Variants in NPHP3 observed in about 807,000 individuals in gnomAD.
NPHP3 encodes the protein nephrocystin 3.
NPHP3 carries 123 observed loss-of-function variants against 171.9 expected under a neutral mutation model. The observed-to-expected ratio is 0.72, with a 90% CI of 0.62 to 0.83. The LOEUF (loss-of-function observed/expected upper bound fraction) is 0.83. NPHP3 is among the 40% of genes least tolerant of loss of function. The pLI is 0.00. For missense variants in NPHP3, 1,506 were observed against 1,591.9 expected, an observed-to-expected ratio of 0.95 and a Z score of 0.92; for synonymous variants, 558 against 579.2, an observed-to-expected ratio of 0.96 and a Z score of 0.52.
rs1350229881 is a variant in NPHP3 at position 132,681,591 on chromosome 3, CCTTGT to C, written c.*314_*318del. ...CCAAGATTCATGGAATTTTTGAACT[CCTTGT>C]CTTAACTACTCTGCCAGCTCTTGTT... On this transcript the variant is annotated 3_prime_UTR_variant, in exon 27 of 27. Transcript: ENST00000337331. The C allele has an allele frequency of 6.2e-6, 2 of 325,164 alleles. No homozygotes were observed. The highest frequency in any genetic ancestry group is 1.2e-5 in the Non-Finnish European group (2 of 169,340). The allele number at this position is 325,164 out of a possible 1,614,324, so 20.1% of individuals were successfully genotyped here. A position where few individuals can be genotyped will look rare whatever the true frequency, so the allele number is the denominator to read the frequency against.
At chr3:132,690,693 G>A (rs1939278020) in intron 18 of NPHP3, 43 bp from the exon 19 acceptor site, 2 of 1,606,008 alleles carry the variant, frequency 1.2e-6, no homozygotes, top group African/African-American at 1.3e-5. Flanking sequence ...TTCCTACAAT[G>A]AGACTGCTTC....
intron 21 of NPHP3, 52 bp from the exon 22 acceptor site, chr3:132,687,278 C>T: frequency 1.2e-6 from 1 of 827,976 alleles, no homozygotes; most frequent in Non-Finnish European, 2.0e-6. Context: ...TCAAAGTATA[C>T]TTCAGTGAAA....
intron 17 of NPHP3, among the ~76,000 whole-genome samples, 192 bp from the exon 18 acceptor site, chr3:132,691,478 ATATT>A (rs1395893308): frequency 7.9e-5 from 12 of 152,198 alleles, no homozygotes; most frequent in African/African-American, 2.7e-4. Context: ...TTCTGTACTA[ATATT>A]TATAAGCTCA....
At chr3:132,685,952 G>A (rs1408281486) in intron 23 of NPHP3, 9 of 328,058 alleles carry the variant, frequency 2.7e-5, no homozygotes, top group Non-Finnish European at 4.7e-5. Context: ...TCAGGAGGCT[G>A]AGGCAGGAGA....
chr3:132,692,903 G>T, intron 16 of NPHP3, 85 bp from the exon 17 acceptor site: 1 of 1,123,544 alleles, frequency 8.9e-7, no homozygotes. Flanking sequence ...ATTCTTTTAA[G>T]GCTATTTCTT....
chr3:132,683,575 CT>C, intron 24 of NPHP3, 51 bp from the exon 25 acceptor site: 1 of 1,428,376 alleles, frequency 7.0e-7, no homozygotes, highest in South Asian at 1.2e-5. Flanking sequence ...TAAATACTAT[CT>C]TATCAGAGCT....
intron 5 of NPHP3, among the ~76,000 whole-genome samples, chr3:132,714,016 C>G (rs764561319): frequency 6.6e-6 from 1 of 152,194 alleles, no homozygotes; most frequent in Non-Finnish European, 1.5e-5. Context: ...GGTTAGATAG[C>G]AAATATGTCT....
At chr3:132,703,649 G>A (rs898884451) in intron 9 of NPHP3, among the ~76,000 whole-genome samples, 3 of 150,366 alleles carry the variant, frequency 2.0e-5, no homozygotes, top group Admixed American at 1.3e-4. Flanking sequence ...GTGTGGTCAT[G>A]GCTCACTGCA....
rs886058000 is a variant in NPHP3, at chr3:132,681,258, C to CT, written c.*651dup. 0.024 allele frequency: 2,514 copies of CT among 105,608 alleles called. 49 individuals carry two copies. Among genetic ancestry groups the CT allele is most frequent in the African/African-American group, 0.054 (1,491 of 27,634 alleles). The allele number at this position is 105,608 out of a possible 1,614,324, so 6.5% of individuals were successfully genotyped here. On this transcript the variant is annotated 3_prime_UTR_variant, in exon 27 of 27. Transcript: ENST00000337331. ...GAGAGCTCAAAAGAATCATGGAATT[C>CT]TTTTTTTTTTTTTTTTTTTTTTTGA...
Position 132,683,533 on chromosome 3 carries a change from CAA to C in NPHP3, c.3571-11_3571-10del, listed in dbSNP as rs1367088941. Reference sequence around the variant, plus strand: ...GCTTTGTCAAGTTTCCCCTAAAAAACAAGAGTTAAATCTAACAAAAATATAAG... The same window carrying C: ...GCTTTGTCAAGTTTCCCCTAAAAAACGAGTTAAATCTAACAAAAATATAAG... On this transcript the variant is annotated splice_polypyrimidine_tract_variant and intron_variant, in intron 24 of 26. Coordinates refer to ENST00000337331, the MANE Select transcript of NPHP3 (RefSeq NM_153240.5). The C allele has an allele frequency of 5.6e-6, 9 of 1,609,616 alleles. No homozygotes were observed. The highest frequency in any genetic ancestry group is 1.3e-5 in the African/African-American group (1 of 74,780).
intron 6 of NPHP3, among the ~76,000 whole-genome samples, chr3:132,708,610 CA>C (rs375638934): frequency 5.3e-5 from 8 of 152,260 alleles, no homozygotes; most frequent in African/African-American, 1.9e-4. Context: ...AAATAGATGG[CA>C]AACAAAATTC....
intron 9 of NPHP3, among the ~76,000 whole-genome samples, 171 bp downstream of exon 9, chr3:132,704,027 A>G (rs929046539): frequency 1.3e-5 from 2 of 152,242 alleles, no homozygotes; most frequent in Non-Finnish European, 2.9e-5. Context: ...TGAATCTCAC[A>G]TATCTTTCTT....
In NPHP3 at chr3:132,692,204, G is replaced by A. The variant is rs112387676; in HGVS notation, c.2475+450C>T. On this transcript the variant is annotated intron_variant, in intron 17 of 26. Transcript: ENST00000337331. The stretch of plus-strand genomic sequence containing the variant: ...ATATAGCCTCCATGTGTGGTAGGCT[G>A]TACCATCTAGATTTGTGTAAGTACG... Among the ~76,000 whole-genome samples the A allele has an allele frequency of 4.5e-3, 683 of 152,282 alleles. 4 individuals are homozygous for A. Among genetic ancestry groups the A allele is most frequent in the African/African-American group, 0.016 (665 of 41,552 alleles).
chr3:132,700,139 T>C, intron 11 of NPHP3, 78 bp from the exon 12 acceptor site: 1 of 1,536,874 alleles, frequency 6.5e-7, no homozygotes, highest in African/African-American at 1.4e-5. Context: ...GGGAAATATT[T>C]CTATTCTTAC....
intron 16 of NPHP3, chr3:132,693,872 CGGG>C (rs1939372294): frequency 7.4e-6 from 1 of 135,544 alleles, no homozygotes; most frequent in African/African-American, 2.8e-5. Flanking sequence ...GACTCTGTCT[CGGG>C]AAAAAAAAAA....
intron 9 of NPHP3, among the ~76,000 whole-genome samples, chr3:132,703,399 A>G (rs1335137261): frequency 6.6e-6 from 1 of 152,162 alleles, no homozygotes; most frequent in Non-Finnish European, 1.5e-5. Context: ...ATTTCATTGT[A>G]TATTTCAAGT....
chr3:132,695,062 AC>A, intron 15 of NPHP3, 97 bp from the exon 16 acceptor site: 1 of 1,105,676 alleles, frequency 9.0e-7, no homozygotes, highest in Non-Finnish European at 1.4e-6. Context: ...TATTTTTTGT[AC>A]TGCAACCAAT....
In NPHP3 at chr3:132,681,990, G is replaced by C; in HGVS notation, c.3913C>G (p.Arg1305Gly). ...TSLLGGKAPSRHSSSGDTFSL... is the reference protein window; with the variant it reads ...TSLLGGKAPSGHSSSGDTFSL... Reference sequence around the variant, plus strand: ...AACGTGTCTCCACTTGATGAATGGCGTGAAGGAGCTTTTCCACCCAAGAGT... The same window carrying C: ...AACGTGTCTCCACTTGATGAATGGCCTGAAGGAGCTTTTCCACCCAAGAGT... The change falls in exon 27 of 27, where the codon CGC (arginine) becomes GGC (glycine). Residue 1305 changes from arginine to glycine, a missense_variant. Around this residue, in one of 3 missense-constraint regions of NPHP3, gnomAD observed 569 missense variants for 648.1 expected, o/e 0.88. Transcript: ENST00000337331. 6.2e-7 allele frequency: 1 copy of C among 1,613,888 alleles called. No individual in the cohort carries two copies. Among genetic ancestry groups the C allele is most frequent in the Non-Finnish European group, 8.5e-7 (1 of 1,179,786 alleles).
intron 15 of NPHP3, among the ~76,000 whole-genome samples, chr3:132,695,785 T>C (rs1373536494): frequency 6.6e-6 from 1 of 151,972 alleles, no homozygotes; most frequent in Non-Finnish European, 1.5e-5. Context: ...AATACAAAAA[T>C]AAGCCAGGCA....
Sources: gnomAD v4.1 joint callset for allele counts (sites outside exome capture counted in the v4.1 genomes callset) on GRCh38, gnomAD v4.1.1 for gene constraint, gnomAD v4.1.1 regional missense constraint, MANE v1.5 for transcripts, NCBI Gene and HGNC (gene_info 2026-07-23, HGNC 2026-07-21) for gene names.